Variants in MEF2C observed in about 807,000 individuals in gnomAD.
The protein encoded by MEF2C is myocyte-specific enhancer factor 2C.
MEF2C carries 6 observed loss-of-function variants against 50.5 expected under a neutral mutation model. That is an observed-to-expected ratio of 0.12 (90% CI 0.07 to 0.23). The LOEUF is 0.23. Among genes scored for constraint, MEF2C ranks in the 10% least tolerant of loss-of-function variants. MEF2C has a pLI of 1.00. For synonymous variants in MEF2C, 183 were observed against 228.0 expected (o/e 0.80, Z 1.78); for missense variants, 276 against 605.0 (o/e 0.46, Z 5.70).
chr5:88,864,658 T>C (rs1444014704), intron 1 of MEF2C, among the ~76,000 whole-genome samples: 2 of 152,080 alleles, frequency 1.3e-5, no homozygotes, highest in African/African-American at 2.4e-5. Context: ...GTGGCACTAC[T>C]ATAGCTCAGC....
At chr5:88,827,218 C>G (rs1811264185) in intron 1 of MEF2C, 1 of 151,910 alleles carries the variant, frequency 6.6e-6, no homozygotes, top group African/African-American at 2.4e-5. Flanking sequence ...ACACATACCT[C>G]CCCCCTCCAT....
At chr5:88,820,252 G>A (rs1807623196) in intron 2 of MEF2C, among the ~76,000 whole-genome samples, 1 of 151,800 alleles carries the variant, frequency 6.6e-6, no homozygotes, top group Admixed American at 6.6e-5. Flanking sequence ...ACTTGGAAAT[G>A]CCAAAAAATT....
intron 2 of MEF2C, among the ~76,000 whole-genome samples, chr5:88,816,368 T>C (rs1805382213): frequency 6.6e-6 from 1 of 151,990 alleles, no homozygotes; most frequent in Non-Finnish European, 1.5e-5. Flanking sequence ...GTGGGGAGAT[T>C]ATTTGTGAAT....
Position 88,768,784 on chromosome 5 carries a change from G to A in MEF2C, c.259-7456C>T, listed in dbSNP as rs367583461. 6.8e-4 allele frequency: 435 copies of A among 640,136 alleles called. 16 individuals are homozygous for A. The South Asian group carries it at 0.025, about 37-fold the overall frequency. 39.7% of individuals were successfully genotyped at this position (640,136 alleles called of 1,614,324 possible). On this transcript the variant is annotated intron_variant, in intron 3 of 10. Transcript: ENST00000504921. ...ATTTATTACTACCATTTCACACTAC[G>A]TTAAAACTCAATGTTTTTATTCCCT...
chr5:88,893,309 T>C (rs1217905163), intron 1 of MEF2C, among the ~76,000 whole-genome samples: 3 of 139,058 alleles, frequency 2.2e-5, no homozygotes, highest in Non-Finnish European at 4.7e-5. Context: ...TTTTTCTTTT[T>C]CTTTCTTTTC....
At chr5:88,785,140 A>C (rs1288684893) in intron 3 of MEF2C, among the ~76,000 whole-genome samples, 1 of 152,146 alleles carries the variant, frequency 6.6e-6, no homozygotes, top group Middle Eastern at 3.2e-3. Flanking sequence ...CAGGAACTGA[A>C]CATAACAATG....
intron 2 of MEF2C, among the ~76,000 whole-genome samples, chr5:88,813,256 G>A (rs762034051): frequency 3.9e-5 from 6 of 152,010 alleles, no homozygotes; most frequent in Non-Finnish European, 7.4e-5. Flanking sequence ...ATTTTGGTTG[G>A]TAGTAAATAC....
intron 4 of MEF2C, chr5:88,760,902 G>T: frequency 7.0e-7 from 1 of 1,434,550 alleles, no homozygotes; most frequent in Non-Finnish European, 9.4e-7. Context: ...TTTCCGAAGA[G>T]TCTTAGAGAA....
chr5:88,801,443 CTAGTGCTG>C (rs1301131687), intron 3 of MEF2C, among the ~76,000 whole-genome samples: 1 of 151,786 alleles, frequency 6.6e-6, no homozygotes, highest in Non-Finnish European at 1.5e-5. Context: ...AATTTATGTA[CTAGTGCTG>C]CAGAGGTTTT....
At chr5:88,819,138 C>T (rs1300541864) in intron 2 of MEF2C, among the ~76,000 whole-genome samples, 1 of 151,806 alleles carries the variant, frequency 6.6e-6, no homozygotes, top group Non-Finnish European at 1.5e-5. Flanking sequence ...GGGACAAGAA[C>T]GAAGTTTGTG....
intron 6 of MEF2C, chr5:88,739,801 T>C: frequency 1.0e-6 from 1 of 985,260 alleles, no homozygotes; most frequent in Non-Finnish European, 1.2e-6. Flanking sequence ...CCACAAAACA[T>C]TCAGGGGTCA....
In MEF2C at chr5:88,828,656, GA is replaced by G. The variant is rs1216336284; in HGVS notation, c.-142-4727del. On this transcript the variant is annotated intron_variant, in intron 1 of 10. Coordinates refer to ENST00000504921, the MANE Select transcript of MEF2C (RefSeq NM_002397.5). ...AAATGATTCATTATCTTTTTAAGTGGAAAACTTTGCTCAATATGTTACATCT... is the reference window on the plus strand; with the variant it reads ...AAATGATTCATTATCTTTTTAAGTGGAAACTTTGCTCAATATGTTACATCT... 7.9e-5 allele frequency among the ~76,000 whole-genome samples: 12 copies of G among 152,046 alleles called. No individual in the cohort carries two copies. The East Asian group carries it at 2.1e-3, about 27-fold the overall frequency.
Position 88,722,440 on chromosome 5 carries a change from G to T in MEF2C, c.*164C>A. The stretch of plus-strand genomic sequence containing the variant: ...CAGCATTTCTGTTTATCTTTATACT[G>T]TATCACTGAGGCAATTTAAAAGTAC... On this transcript the variant is annotated 3_prime_UTR_variant, in exon 11 of 11. Transcript: ENST00000504921. 1 of 613,718 alleles carries T rather than the reference G, an allele frequency of 1.6e-6. No homozygotes were observed. The highest frequency in any genetic ancestry group is 2.9e-6 in the Non-Finnish European group (1 of 350,658). 38.0% of individuals were successfully genotyped at this position (613,718 alleles called of 1,614,324 possible).
intron 1 of MEF2C, among the ~76,000 whole-genome samples, chr5:88,896,333 G>A (rs1028175982): frequency 6.6e-6 from 1 of 152,120 alleles, no homozygotes; most frequent in African/African-American, 2.4e-5. Flanking sequence ...GACTTACCCT[G>A]TGTGCTCTCC....
chr5:88,747,145 T>A (rs73770403), intron 6 of MEF2C, among the ~76,000 whole-genome samples: 53 of 152,304 alleles, frequency 3.5e-4, no homozygotes, highest in African/African-American at 1.2e-3. Flanking sequence ...GAGTCTTCTC[T>A]ATCCCTAGAG....
chr5:88,767,441 T>A (rs1247321696), intron 3 of MEF2C, among the ~76,000 whole-genome samples: 1 of 152,184 alleles, frequency 6.6e-6, no homozygotes, highest in African/African-American at 2.4e-5. Context: ...AAATCTAGTA[T>A]AATCAGCAGG....
At chr5:88,781,714 G>A (rs1264344924) in intron 3 of MEF2C, among the ~76,000 whole-genome samples, 1 of 152,052 alleles carries the variant, frequency 6.6e-6, no homozygotes, top group African/African-American at 2.4e-5. Context: ...GCTCACACCT[G>A]TAATCTCAGC....
At chr5:88,794,444 T>C (rs1287060199) in intron 3 of MEF2C, among the ~76,000 whole-genome samples, 1 of 152,230 alleles carries the variant, frequency 6.6e-6, no homozygotes, top group Non-Finnish European at 1.5e-5. Context: ...GAACGTCTTC[T>C]TTTGAGAGGT....
intron 5 of MEF2C, chr5:88,751,408 T>C (rs1249379634): frequency 1.0e-6 from 1 of 985,136 alleles, no homozygotes; most frequent in Non-Finnish European, 1.2e-6. Flanking sequence ...GATAAGTTAC[T>C]GTATAAATAA....
Sources: allele counts gnomAD v4.1 joint callset (sites outside exome capture counted in the v4.1 genomes callset), GRCh38; gene constraint gnomAD v4.1.1; transcripts MANE v1.5; gene names NCBI Gene and HGNC (gene_info 2026-07-23, HGNC 2026-07-21).